The following GBP7 variants were observed in gnomAD, a reference collection of about 807,000 sequenced individuals.
GBP7 encodes the protein guanylate binding protein 7.
In GBP7, 43 loss-of-function variants were observed where a neutral mutation model predicts 61.3. The ratio of observed to expected loss-of-function variants is 0.70; its 90% CI spans 0.55 to 0.91. The LOEUF (loss-of-function observed/expected upper bound fraction) is 0.91. GBP7 is among the 40% of genes least tolerant of loss of function. The probability of loss-of-function intolerance (pLI) is 0.00; values close to 1 mark genes in which losing one functional copy is unlikely to be tolerated. For missense variants in GBP7, 717 were observed against 740.5 expected, an observed-to-expected ratio of 0.97 and a Z score of 0.37; for synonymous variants, 267 against 271.0, an observed-to-expected ratio of 0.99 and a Z score of 0.14.
intron 3 of GBP7, among the ~76,000 whole-genome samples, chr1:89,163,032 G>A (rs779646982): frequency 5.9e-5 from 9 of 152,124 alleles, no homozygotes; most frequent in Non-Finnish European, 1.3e-4. Context: ...TGTGGTTTTT[G>A]TCTTTATTTC....
At chr1:89,142,929 A>G (rs192363300) in intron 8 of GBP7, among the ~76,000 whole-genome samples, 5 of 152,334 alleles carry the variant, frequency 3.3e-5, no homozygotes, top group Admixed American at 3.3e-4. Context: ...ATGTGAATAC[A>G]CTAGTTTACT....
intron 2 of GBP7, among the ~76,000 whole-genome samples, chr1:89,169,526 G>A (rs563643606): frequency 2.4e-4 from 36 of 152,276 alleles, no homozygotes; most frequent in African/African-American, 8.7e-4. Context: ...GCAGCCCTAT[G>A]CATTACTTTT....
rs144677260 is a variant in GBP7, at chr1:89,132,357, G to A, written c.1709C>T (p.Ser570Leu). 55 of 1,611,464 alleles carry A rather than the reference G, an allele frequency of 3.4e-5. No homozygotes were observed. In the African/African-American group the frequency reaches 4.9e-4, roughly 14 times the overall value. ...LTEGFKEIFESLNEEINRLKE... is the reference protein window; with the variant it reads ...LTEGFKEIFELLNEEINRLKE... ...CAGTCGATTAATCTCTTCATTTAAC[G>A]ACTCAAATATCTCTTTAAATCCTTC... The change falls in exon 11 of 11, where the codon TCG becomes TTG. Residue 570 changes from serine (S) to leucine (L), a missense_variant. Around this residue, in one of 3 missense-constraint regions of GBP7, gnomAD observed 312 missense variants for 310.1 expected, o/e 1.01. Coordinates refer to ENST00000294671, the MANE Select transcript of GBP7 (RefSeq NM_207398.3).
chr1:89,164,634 AT>A (rs1287944845), intron 3 of GBP7, 96 bp downstream of exon 3: 9 of 1,198,306 alleles, frequency 7.5e-6, no homozygotes, highest in Non-Finnish European at 1.1e-5. Flanking sequence ...CAGATTTGTG[AT>A]TCAGGAATAG....
chr1:89,169,724 C>T (rs1647545990), intron 2 of GBP7, among the ~76,000 whole-genome samples: 1 of 152,150 alleles, frequency 6.6e-6, no homozygotes, highest in Non-Finnish European at 1.5e-5. Flanking sequence ...TTGGGCCACA[C>T]AAAAAGTTCA....
At chr1:89,159,240 C>T (rs916719007) in intron 3 of GBP7, among the ~76,000 whole-genome samples, 2 of 152,130 alleles carry the variant, frequency 1.3e-5, no homozygotes, top group South Asian at 2.1e-4. Context: ...AAATGTTAGA[C>T]CTAAAACCAT....
Position 89,161,704 on chromosome 1 carries a change from TTCTCCCA to T in GBP7, c.318+3020_318+3026del, listed in dbSNP as rs370092688. Among the ~76,000 whole-genome samples, 735 of 152,318 alleles carry T rather than the reference TTCTCCCA, an allele frequency of 4.8e-3. 4 individuals are homozygous for T. Among genetic ancestry groups the T allele is most frequent in the African/African-American group, 0.016 (680 of 41,562 alleles). ...GTCAGCTGCAGAGTTTGCAAATATT[TTCTCCCA>T]TTCTTTAGGTTGTTTGTTTACTCTG... On this transcript the variant is annotated intron_variant, in intron 3 of 10. Coordinates refer to ENST00000294671, the MANE Select transcript of GBP7 (RefSeq NM_207398.3).
At position 89,132,467 on chromosome 1, in the gene GBP7, TAAC is replaced by T; in HGVS notation, c.1663-67_1663-65del. 3.2e-6 allele frequency: 4 copies of T among 1,239,236 alleles called. No individual in the cohort carries two copies. The East Asian group carries it at 9.3e-5, about 29-fold the overall frequency. The allele number at this position is 1,239,236 out of a possible 1,614,324, so 76.8% of individuals were successfully genotyped here. A position where few individuals can be genotyped will look rare whatever the true frequency, so the allele number is the denominator to read the frequency against. On this transcript the variant is annotated intron_variant, in intron 10 of 10. Transcript: ENST00000294671. ...TTTTTAAGAGACCGAGGTTTGTATT[TAAC>T]AATTTCATTAGTTAAACATGTGTCC... is the stretch of plus-strand genomic sequence containing the variant.
rs540096810 is a variant in GBP7, at chr1:89,171,711, A to G, written c.190+35T>C. The G allele has an allele frequency of 5.1e-5, 81 of 1,590,656 alleles. No individual in the cohort carries two copies. The South Asian group carries it at 8.2e-4, about 16-fold the overall frequency. On this transcript the variant is annotated intron_variant, in intron 2 of 10. Coordinates refer to ENST00000294671, the MANE Select transcript of GBP7 (RefSeq NM_207398.3). ...AGATACTGACTGTGTAACTGGACAG[A>G]TGGGGCTCATCCATGCTTTGCTGGT...
intron 1 of GBP7, among the ~76,000 whole-genome samples, chr1:89,173,050 G>C: frequency 6.6e-6 from 1 of 151,900 alleles, no homozygotes; most frequent in East Asian, 1.9e-4. Flanking sequence ...TCTTCAAGCT[G>C]GATCCATTTT....
In GBP7 at chr1:89,171,973, ATGGAAAGTAATGTC is replaced by A; in HGVS notation, c.-19-33_-19-20del. The A allele has an allele frequency of 1.3e-6, 2 of 1,533,676 alleles. No individual in the cohort carries two copies. Among genetic ancestry groups the A allele is most frequent in the Non-Finnish European group, 1.8e-6 (2 of 1,113,084 alleles). ...CCTCTGTCTGCAAGGAAAAAATGAA[ATGGAAAGTAATGTC>A]TGGTAAGTCAGTTGAGCTGAAATCT... On this transcript the variant is annotated intron_variant, in intron 1 of 10. Transcript: ENST00000294671.
chr1:89,160,360 TA>T (rs1021596301), intron 3 of GBP7, among the ~76,000 whole-genome samples: 5 of 151,756 alleles, frequency 3.3e-5, no homozygotes, highest in East Asian at 1.9e-4. Flanking sequence ...TAAAGTATAA[TA>T]AAAAAAATGT....
intron 6 of GBP7, 145 bp downstream of exon 6, chr1:89,150,185 C>T (rs1373080956): frequency 2.9e-6 from 2 of 701,552 alleles, no homozygotes; most frequent in Non-Finnish European, 4.8e-6. Context: ...TTTATACCCT[C>T]ACTGAGAAAA....
rs200922375 is a variant in GBP7 at position 89,150,468 on chromosome 1, G to GT, written c.732dup (p.Leu245ThrfsTer6). The stretch of plus-strand genomic sequence containing the variant: ...CGTACTTCTTCAACATGGAGTAAGA[G>GT]TTTTTTGTCATTTATTGGCCGGTCA... On this transcript the variant is annotated frameshift_variant, in exon 6 of 11. Transcript: ENST00000294671. LOFTEE classifies it high-confidence loss of function. 1.2e-3 allele frequency: 1,981 copies of GT among 1,614,084 alleles called. 18 individuals carry two copies. In the African/African-American group the frequency reaches 0.024, roughly 20 times the overall value.
At chr1:89,133,150 C>G (rs1681716637) in intron 10 of GBP7, 108 bp downstream of exon 10, 1 of 774,844 alleles carries the variant, frequency 1.3e-6, no homozygotes, top group Non-Finnish European at 2.2e-6. Flanking sequence ...TGAAATATAT[C>G]TTTTGTGTTT....
chr1:89,150,975 G>A (rs1009547623), intron 5 of GBP7, among the ~76,000 whole-genome samples: 7 of 152,142 alleles, frequency 4.6e-5, no homozygotes, highest in African/African-American at 9.6e-5. Flanking sequence ...ATGATGTTTC[G>A]ATATACATGT....
chr1:89,143,598 G>T (rs2100641572), intron 8 of GBP7, among the ~76,000 whole-genome samples: 1 of 152,192 alleles, frequency 6.6e-6, no homozygotes, highest in Admixed American at 6.5e-5. Flanking sequence ...AGTTCTGCAG[G>T]CTTTACAGGA....
Position 89,136,865 on chromosome 1 carries a change from A to G in GBP7, c.1469-3414T>C, listed in dbSNP as rs373831618. 3.4e-4 allele frequency among the ~76,000 whole-genome samples: 52 copies of G among 151,806 alleles called. No individual in the cohort carries two copies. The Middle Eastern group carries it at 0.01, about 30-fold the overall frequency. ...ACCATACAAAAGATCAATGAAACCA[A>G]TGGTTCTCTGGAAAAATACATAAGA... On this transcript the variant is annotated intron_variant, in intron 9 of 10. Transcript: ENST00000294671.
chr1:89,173,338 T>G (rs1647657627), intron 1 of GBP7, among the ~76,000 whole-genome samples: 1 of 152,202 alleles, frequency 6.6e-6, no homozygotes, highest in African/African-American at 2.4e-5. Context: ...ATTTCTATAA[T>G]AAAGCTTGAG....
Sources: gnomAD v4.1 joint callset for allele counts (sites outside exome capture counted in the v4.1 genomes callset) on GRCh38, gnomAD v4.1.1 for gene constraint, gnomAD v4.1.1 regional missense constraint, MANE v1.5 for transcripts, NCBI Gene and HGNC (gene_info 2026-07-23, HGNC 2026-07-21) for gene names.